The following AUH variants were observed in gnomAD, a reference collection of about 807,000 sequenced individuals.
AUH encodes the protein methylglutaconyl-CoA hydratase, mitochondrial.
AUH carries 29 observed loss-of-function variants against 42.3 expected under a neutral mutation model. That is an observed-to-expected ratio of 0.69 (90% CI 0.51 to 0.93). The LOEUF (loss-of-function observed/expected upper bound fraction) is 0.93. Ranked by LOEUF, AUH falls within the 40% of genes least tolerant of loss-of-function variation. AUH has a pLI of 0.00. For synonymous variants in AUH, 174 were observed against 166.4 expected (o/e 1.05, Z -0.35); for missense variants, 452 against 438.1 (o/e 1.03, Z -0.28).
At chr9:91,335,090 G>C (rs1478625558) in intron 3 of AUH, among the ~76,000 whole-genome samples, 1 of 152,164 alleles carries the variant, frequency 6.6e-6, no homozygotes, top group Non-Finnish European at 1.5e-5. Flanking sequence ...CATAAAATGA[G>C]CTGGAAAAGA....
intron 3 of AUH, among the ~76,000 whole-genome samples, chr9:91,344,274 T>G (rs139376746): frequency 1.4e-4 from 22 of 152,196 alleles, no homozygotes; most frequent in Admixed American, 1.4e-3. Flanking sequence ...TTTCAACCAA[T>G]TGCCAATCAG....
At chr9:91,297,867 C>CT in intron 5 of AUH, 117 bp downstream of exon 5, 6 of 898,500 alleles carry the variant, frequency 6.7e-6, no homozygotes, top group Non-Finnish European at 1.0e-5. Flanking sequence ...CAACAAGTGA[C>CT]TTTTTGAAAA....
In AUH at chr9:91,298,023, C is replaced by T. The variant is rs387906755; in HGVS notation, c.559G>A (p.Gly187Ser). Residue 187 changes from glycine (G) to serine (S), a missense_variant, in exon 5 of 10, where the codon GGT becomes AGT. Coordinates refer to ENST00000375731, the MANE Select transcript of AUH (RefSeq NM_001698.3). ...AAIDGLALGG[G>S]LELALACDIR... is the part of the protein sequence containing the mutation. Reference sequence around the variant, plus strand: ...TCACAGGCTAAAGCCAGTTCAAGACCACCACCTAAAGCGAGTCCATCTATT... The same window carrying T: ...TCACAGGCTAAAGCCAGTTCAAGACTACCACCTAAAGCGAGTCCATCTATT... 16 of 1,613,940 alleles carry T rather than the reference C, an allele frequency of 9.9e-6. No homozygotes were observed. Among genetic ancestry groups the T allele is most frequent in the Non-Finnish European group, 1.4e-5 (16 of 1,179,844 alleles).
At chr9:91,339,326 T>TTA (rs1830929801) in intron 3 of AUH, among the ~76,000 whole-genome samples, 1 of 152,256 alleles carries the variant, frequency 6.6e-6, no homozygotes, top group South Asian at 2.1e-4. Context: ...AGTGAGGGAC[T>TTA]GTACTGTCAA....
At chr9:91,307,123 G>C (rs1287450680) in intron 4 of AUH, among the ~76,000 whole-genome samples, 1 of 152,200 alleles carries the variant, frequency 6.6e-6, no homozygotes, top group Admixed American at 6.5e-5. Context: ...AAACGGCCAT[G>C]AGGAAATTTC....
At chr9:91,289,738 GA>G (rs1326918666) in intron 6 of AUH, among the ~76,000 whole-genome samples, 9 of 152,136 alleles carry the variant, frequency 5.9e-5, no homozygotes, top group African/African-American at 2.2e-4. Context: ...GGAAAGAGGA[GA>G]AAGGAGATGG....
chr9:91,249,510 G>A (rs760785280), intron 6 of AUH, among the ~76,000 whole-genome samples: 5 of 151,840 alleles, frequency 3.3e-5, no homozygotes, highest in South Asian at 2.1e-4. Context: ...TTGTTTGTTC[G>A]GTAGTTTTTT....
At position 91,335,001 on chromosome 9, in the gene AUH, C is replaced by A. The variant is rs184799950; in HGVS notation, c.419-9597G>T. 3.9e-5 allele frequency among the ~76,000 whole-genome samples: 6 copies of A among 152,362 alleles called. No homozygotes were observed. The East Asian group carries it at 9.6e-4, about 24-fold the overall frequency. On this transcript the variant is annotated intron_variant, in intron 3 of 9. Transcript: ENST00000375731. ...GGGATTCTCCTGAGTCCTGGAATAT[C>A]TCCAACTAGGACCAGGAAACTAGTC...
chr9:91,226,268 T>C (rs1827471646), intron 6 of AUH, among the ~76,000 whole-genome samples: 1 of 150,728 alleles, frequency 6.6e-6, no homozygotes, highest in African/African-American at 2.4e-5. Context: ...TGGTATCTCA[T>C]TGTGGTTCTG....
chr9:91,255,849 T>C (rs1448485560), intron 6 of AUH, among the ~76,000 whole-genome samples: 1 of 152,152 alleles, frequency 6.6e-6, no homozygotes, highest in East Asian at 1.9e-4. Context: ...GTGAATTAAC[T>C]TGGAAACTGT....
At chr9:91,343,449 C>A (rs958064940) in intron 3 of AUH, among the ~76,000 whole-genome samples, 10 of 152,148 alleles carry the variant, frequency 6.6e-5, no homozygotes, top group African/African-American at 7.2e-5. Flanking sequence ...AAAAAAGACA[C>A]AATGTATCAA....
intron 1 of AUH, among the ~76,000 whole-genome samples, 158 bp downstream of exon 1, chr9:91,361,470 G>A (rs917747059): frequency 6.6e-6 from 1 of 152,124 alleles, no homozygotes; most frequent in African/African-American, 2.4e-5. Context: ...AAGCGGCCAC[G>A]CTGGGTGAGT....
At chr9:91,243,158 TA>T (rs1564024468) in intron 6 of AUH, among the ~76,000 whole-genome samples, 1 of 152,202 alleles carries the variant, frequency 6.6e-6, no homozygotes, top group Non-Finnish European at 1.5e-5. Context: ...TATGCACTAG[TA>T]AATCAGTGGT....
rs533108013 is a variant in AUH, at chr9:91,239,020, A to C, written c.656-18028T>G. On this transcript the variant is annotated intron_variant, in intron 6 of 9. Coordinates refer to ENST00000375731, the MANE Select transcript of AUH (RefSeq NM_001698.3). The stretch of plus-strand genomic sequence containing the variant: ...CCTTTTTATATTTACATGTATTAAA[A>C]TAATCTAAAGCAAGCTTTGACATTT... Among the ~76,000 whole-genome samples the C allele has an allele frequency of 6.2e-4, 95 of 152,368 alleles. 1 individual carries two copies. Among genetic ancestry groups the C allele is most frequent in the African/African-American group, 2.2e-3 (91 of 41,592 alleles).
At chr9:91,303,330 GCATGATT>G (rs1438557002) in intron 4 of AUH, among the ~76,000 whole-genome samples, 1 of 151,980 alleles carries the variant, frequency 6.6e-6, no homozygotes, top group Non-Finnish European at 1.5e-5. Flanking sequence ...AGTGTCAGAC[GCATGATT>G]TTTTTTTTTG....
intron 6 of AUH, among the ~76,000 whole-genome samples, chr9:91,289,534 G>C (rs116881110): frequency 5.9e-4 from 90 of 152,278 alleles, no homozygotes; most frequent in Non-Finnish European, 9.1e-4. Flanking sequence ...AACCAAAAGA[G>C]ATCTACCAAG....
chr9:91,308,807 TGA>T (rs1828438575), intron 4 of AUH, among the ~76,000 whole-genome samples: 1 of 151,238 alleles, frequency 6.6e-6, no homozygotes, highest in African/African-American at 2.4e-5. Context: ...TTTTTTTTTT[TGA>T]GACGCAGTTT....
intron 3 of AUH, among the ~76,000 whole-genome samples, chr9:91,344,850 T>C (rs564723003): frequency 6.6e-6 from 1 of 152,098 alleles, no homozygotes; most frequent in Non-Finnish European, 1.5e-5. Context: ...TCCAGCAGTA[T>C]ATAAAAAGGA....
intron 4 of AUH, among the ~76,000 whole-genome samples, chr9:91,301,111 G>T (rs1258756334): frequency 1.3e-5 from 2 of 151,860 alleles, no homozygotes; most frequent in East Asian, 3.9e-4. Flanking sequence ...GTTTAATAAA[G>T]AAATAAACAT....
Sources: allele counts gnomAD v4.1 joint callset (sites outside exome capture counted in the v4.1 genomes callset), GRCh38; gene constraint gnomAD v4.1.1; transcripts MANE v1.5; gene names NCBI Gene and HGNC (gene_info 2026-07-23, HGNC 2026-07-21).